The following PCDH15 variants were observed in gnomAD, a reference collection of about 807,000 sequenced individuals.
The protein encoded by PCDH15 is protocadherin related 15.
In PCDH15, 129 loss-of-function variants were observed where a neutral mutation model predicts 178.5. The observed-to-expected ratio is 0.72, with a 90% CI of 0.63 to 0.84. PCDH15 has a LOEUF of 0.84. Ranked by LOEUF, PCDH15 falls within the 40% of genes least tolerant of loss-of-function variation. The probability of loss-of-function intolerance (pLI) is 0.00; values close to 1 mark genes in which losing one functional copy is unlikely to be tolerated. For synonymous variants in PCDH15, 800 were observed against 732.0 expected (o/e 1.09, Z -1.50); for missense variants, 2,230 against 2,099.9 (o/e 1.06, Z -1.21).
At chr10:54,033,448 C>A (rs1301175590) in intron 18 of PCDH15, among the ~76,000 whole-genome samples, 1 of 151,940 alleles carries the variant, frequency 6.6e-6, no homozygotes, top group Non-Finnish European at 1.5e-5. Context: ...AATGCATGCT[C>A]TAGCCAAAAG....
intron 8 of PCDH15, among the ~76,000 whole-genome samples, chr10:54,274,363 T>C (rs1246374090): frequency 1.3e-5 from 2 of 152,024 alleles, no homozygotes; most frequent in Non-Finnish European, 2.9e-5. Flanking sequence ...CCAAACCCCT[T>C]TGCCTAGTCA....
chr10:55,522,938 AT>A (rs1395616494), intron 2 of PCDH15, among the ~76,000 whole-genome samples: 1 of 151,448 alleles, frequency 6.6e-6, no homozygotes, highest in Non-Finnish European at 1.5e-5. Flanking sequence ...GTAGTGGTAT[AT>A]TTTGATTCCA....
At chr10:53,910,761 C>T (rs932591058) in intron 25 of PCDH15, among the ~76,000 whole-genome samples, 20 of 151,966 alleles carry the variant, frequency 1.3e-4, no homozygotes, top group African/African-American at 4.8e-4. Flanking sequence ...AAGCTAAAAA[C>T]CTTAAAAAAA....
At chr10:54,252,263 T>C (rs1171253894) in intron 8 of PCDH15, among the ~76,000 whole-genome samples, 2 of 152,140 alleles carry the variant, frequency 1.3e-5, no homozygotes, top group Admixed American at 1.3e-4. Flanking sequence ...AGTACATCAA[T>C]AGGGCCATGA....
chr10:54,468,437 T>C (rs1018160013), intron 3 of PCDH15, among the ~76,000 whole-genome samples: 3 of 152,094 alleles, frequency 2.0e-5, no homozygotes, highest in African/African-American at 7.2e-5. Context: ...TTTAGAAGCA[T>C]GTTGTTTAAT....
chr10:55,610,550 T>C (rs1401848025), intron 2 of PCDH15, among the ~76,000 whole-genome samples: 5 of 152,116 alleles, frequency 3.3e-5, no homozygotes, highest in African/African-American at 1.2e-4. Flanking sequence ...TTTCAAGTTG[T>C]TGAAGCTTTC....
intron 3 of PCDH15, among the ~76,000 whole-genome samples, chr10:54,866,074 A>G (rs1428300321): frequency 6.6e-6 from 1 of 152,226 alleles, no homozygotes; most frequent in African/African-American, 2.4e-5. Flanking sequence ...GTAAGTCAAT[A>G]AAACATGGAA....
At chr10:54,648,211 T>C (rs1446494266) in intron 2 of PCDH15, among the ~76,000 whole-genome samples, 2 of 152,130 alleles carry the variant, frequency 1.3e-5, no homozygotes, top group Non-Finnish European at 1.5e-5. Flanking sequence ...CAGTGAACTA[T>C]TGACACTGCA....
At chr10:54,911,682 T>C (rs2131835141) in intron 2 of PCDH15, among the ~76,000 whole-genome samples, 1 of 152,312 alleles carries the variant, frequency 6.6e-6, no homozygotes, top group African/African-American at 2.4e-5. Context: ...GGAAAGTGAC[T>C]GGATCTTGGG....
chr10:55,222,612 G>GGA (rs1253501249), intron 1 of PCDH15, among the ~76,000 whole-genome samples: 1 of 150,748 alleles, frequency 6.6e-6, no homozygotes, highest in African/African-American at 2.4e-5. Context: ...ATCCTACTGA[G>GGA]TTTTCTTTAT....
At chr10:54,093,637 C>T (rs929350337) in intron 15 of PCDH15, among the ~76,000 whole-genome samples, 14 of 152,230 alleles carry the variant, frequency 9.2e-5, no homozygotes, top group African/African-American at 3.4e-4. Flanking sequence ...TAAATCTAAC[C>T]AGCCATCTCA....
intron 2 of PCDH15, among the ~76,000 whole-genome samples, chr10:55,106,035 T>C (rs942821160): frequency 9.9e-5 from 15 of 152,274 alleles, no homozygotes; most frequent in Non-Finnish European, 1.3e-4. Context: ...ATAAGTTTTT[T>C]TTTTTTTGGT....
At chr10:55,173,940 A>C (rs1302693674) in intron 1 of PCDH15, among the ~76,000 whole-genome samples, 1 of 152,244 alleles carries the variant, frequency 6.6e-6, no homozygotes, top group East Asian at 1.9e-4. Flanking sequence ...ATGGGTCCAA[A>C]TATGAATTAC....
At position 54,089,976 on chromosome 10, in the gene PCDH15, T is replaced by C; in HGVS notation, c.1997+8A>G. The C allele has an allele frequency of 2.5e-6, 4 of 1,598,332 alleles. No homozygotes were observed. The highest frequency in any genetic ancestry group is 2.6e-6 in the Non-Finnish European group (3 of 1,166,112). ...TTTTTTTAAAGTAGGAAATCATTTT[T>C]AACTTACGTTTCTGAAAGATTAAAA... On this transcript the variant is annotated splice_region_variant and intron_variant, in intron 16 of 37. Transcript: ENST00000644397.
chr10:54,666,271 T>C (rs1318266101), intron 1 of PCDH15, among the ~76,000 whole-genome samples: 1 of 152,068 alleles, frequency 6.6e-6, no homozygotes, highest in Admixed American at 6.6e-5. Flanking sequence ...AAAGTAGATA[T>C]TATTATCCCC....
At chr10:55,359,771 CATAT>C (rs1408910096) in intron 2 of PCDH15, among the ~76,000 whole-genome samples, 1 of 136,666 alleles carries the variant, frequency 7.3e-6, no homozygotes, top group African/African-American at 2.9e-5. Flanking sequence ...CACACACACA[CATAT>C]ATATATATAA....
At chr10:55,394,507 G>T (rs748873921) in intron 2 of PCDH15, among the ~76,000 whole-genome samples, 1 of 151,752 alleles carries the variant, frequency 6.6e-6, no homozygotes, top group Non-Finnish European at 1.5e-5. Flanking sequence ...GAATTAAAGC[G>T]CACCCTGCCC....
chr10:54,331,787 A>G (rs914687934), intron 6 of PCDH15, among the ~76,000 whole-genome samples: 2 of 152,056 alleles, frequency 1.3e-5, no homozygotes, highest in Admixed American at 6.6e-5. Flanking sequence ...ATTAGCTCAC[A>G]TATCTGGTGA....
intron 1 of PCDH15, among the ~76,000 whole-genome samples, chr10:55,279,612 A>C (rs893017282): frequency 3.3e-5 from 5 of 152,188 alleles, no homozygotes; most frequent in African/African-American, 1.2e-4. Context: ...AAGAAGCCCC[A>C]CATTTGCATT....
Sources: allele counts gnomAD v4.1 joint callset (sites outside exome capture counted in the v4.1 genomes callset), GRCh38; gene constraint gnomAD v4.1.1; transcripts MANE v1.5; gene names NCBI Gene and HGNC (gene_info 2026-07-23, HGNC 2026-07-21).